DAPK1: variants seen among roughly 807,000 people sequenced by gnomAD.
The protein encoded by DAPK1 is death-associated protein kinase 1.
Under a neutral mutation model 144.9 loss-of-function variants are expected in DAPK1, and 56 were observed. That is an observed-to-expected ratio of 0.39 (90% CI 0.31 to 0.48). The LOEUF (loss-of-function observed/expected upper bound fraction) is 0.48. Among genes scored for constraint, DAPK1 ranks in the 20% least tolerant of loss-of-function variants. DAPK1 has a pLI of 0.95. For missense variants in DAPK1, 1,454 were observed against 1,875.4 expected (o/e 0.78, Z 4.15); for synonymous variants, 690 against 749.0 (o/e 0.92, Z 1.29).
intron 2 of DAPK1, among the ~76,000 whole-genome samples, chr9:87,520,553 C>T (rs1391542815): frequency 6.6e-6 from 1 of 152,160 alleles, no homozygotes; most frequent in Non-Finnish European, 1.5e-5. Context: ...TTGTTTGAAG[C>T]AGGTGTTTAA....
At chr9:87,518,933 G>A (rs1288828184) in intron 2 of DAPK1, among the ~76,000 whole-genome samples, 4 of 139,502 alleles carry the variant, frequency 2.9e-5, no homozygotes, top group Non-Finnish European at 6.4e-5. Flanking sequence ...AAAAAAAAAA[G>A]ATTTACGTGT....
chr9:87,678,566 A>C (rs1824491855), intron 19 of DAPK1, among the ~76,000 whole-genome samples: 1 of 152,268 alleles, frequency 6.6e-6, no homozygotes, highest in African/African-American at 2.4e-5. Context: ...GTTATTTGCC[A>C]ATCTATAAAA....
Position 87,526,859 on chromosome 9 carries a change from T to C in DAPK1, c.62+27720T>C, listed in dbSNP as rs972921631. Among the ~76,000 whole-genome samples, 10 of 152,320 alleles carry C rather than the reference T, an allele frequency of 6.6e-5. 1 individual carries two copies. The highest frequency in any genetic ancestry group is 5.9e-4 in the Admixed American group (9 of 15,302). On this transcript the variant is annotated intron_variant, in intron 2 of 25. Coordinates refer to ENST00000408954, the MANE Select transcript of DAPK1 (RefSeq NM_004938.4). Reference sequence around the variant, plus strand: ...ATACCTTCTTTGATGTTGATGCCAATTAGACATGTTATAAGGACTTCTCTG... The same window carrying C: ...ATACCTTCTTTGATGTTGATGCCAACTAGACATGTTATAAGGACTTCTCTG...
At position 87,708,161 on chromosome 9, in the gene DAPK1, TGTGA is replaced by T; in HGVS notation, c.*798_*801del. 2 of 252,698 alleles carry T rather than the reference TGTGA, an allele frequency of 7.9e-6. No homozygotes were observed. Among genetic ancestry groups the T allele is most frequent in the South Asian group, 4.8e-5 (1 of 21,044 alleles). 15.7% of individuals were successfully genotyped at this position (252,698 alleles called of 1,614,324 possible). A position where few individuals can be genotyped will look rare whatever the true frequency, so the allele number is the denominator to read the frequency against. ...CCGTTTGCTTTTGTTCCAATGTCAA[TGTGA>T]ACGTCCACATGAAACCTACACACTG... On this transcript the variant is annotated 3_prime_UTR_variant, in exon 26 of 26. Coordinates refer to ENST00000408954, the MANE Select transcript of DAPK1 (RefSeq NM_004938.4).
At chr9:87,631,467 G>C (rs11141918) in intron 3 of DAPK1, among the ~76,000 whole-genome samples, 1 of 151,914 alleles carries the variant, frequency 6.6e-6, no homozygotes, top group South Asian at 2.1e-4. Flanking sequence ...AAGAACCATG[G>C]TATTTTCCAG....
intron 3 of DAPK1, among the ~76,000 whole-genome samples, chr9:87,618,779 A>G (rs78857812): frequency 0.014 from 2,157 of 152,258 alleles, 64 homozygotes; most frequent in African/African-American, 0.049. Flanking sequence ...TAGGGTGGCT[A>G]CTCATGGACA....
At chr9:87,679,930 G>A (rs1365393889) in intron 19 of DAPK1, among the ~76,000 whole-genome samples, 1 of 152,046 alleles carries the variant, frequency 6.6e-6, no homozygotes, top group African/African-American at 2.4e-5. Flanking sequence ...TGCTCTTGCT[G>A]GTCAGACAGG....
chr9:87,501,113 T>C (rs1259019045), intron 2 of DAPK1, among the ~76,000 whole-genome samples: 2 of 152,048 alleles, frequency 1.3e-5, no homozygotes, highest in Non-Finnish European at 2.9e-5. Flanking sequence ...TGAGGGAAGA[T>C]TGGGAGTGGA....
intron 15 of DAPK1, 54 bp downstream of exon 15, chr9:87,648,933 C>T (rs1413274614): frequency 6.9e-7 from 1 of 1,453,008 alleles, no homozygotes; most frequent in African/African-American, 1.4e-5. Context: ...AATGTACAGG[C>T]AGCCAGATGG....
At chr9:87,512,667 G>A (rs1239845143) in intron 2 of DAPK1, among the ~76,000 whole-genome samples, 2 of 151,222 alleles carry the variant, frequency 1.3e-5, no homozygotes, top group Non-Finnish European at 2.9e-5. Flanking sequence ...TTTTTGAGAC[G>A]GAGTCTTGCC....
intron 19 of DAPK1, among the ~76,000 whole-genome samples, chr9:87,675,307 CCT>C (rs1182111320): frequency 6.6e-6 from 1 of 151,810 alleles, no homozygotes; most frequent in African/African-American, 2.4e-5. Context: ...CTGATGAGGA[CCT>C]CTCTGATGTG....
intron 2 of DAPK1, among the ~76,000 whole-genome samples, chr9:87,568,498 G>T (rs1353501177): frequency 1.3e-5 from 2 of 152,090 alleles, no homozygotes; most frequent in East Asian, 1.9e-4. Flanking sequence ...TGCATTCTGT[G>T]GGGGAGATGT....
At position 87,508,044 on chromosome 9, in the gene DAPK1, G is replaced by A. The variant is rs564320966; in HGVS notation, c.62+8905G>A. 5.3e-5 allele frequency among the ~76,000 whole-genome samples: 8 copies of A among 152,144 alleles called. No individual in the cohort carries two copies. The South Asian group carries it at 1.2e-3, about 24-fold the overall frequency. ...TCCCTTTTTTTGGAGACGGAGTGTC[G>A]CTCTGTCACCCAGACTAGAGTGCAG... On this transcript the variant is annotated intron_variant, in intron 2 of 25. Coordinates refer to ENST00000408954, the MANE Select transcript of DAPK1 (RefSeq NM_004938.4).
chr9:87,627,380 A>G (rs1426802109), intron 3 of DAPK1, among the ~76,000 whole-genome samples: 3 of 152,200 alleles, frequency 2.0e-5, no homozygotes, highest in African/African-American at 7.2e-5. Context: ...TGACAGGAGG[A>G]AAATAGAGTC....
chr9:87,639,273 T>TTTTTG, intron 4 of DAPK1, 81 bp from the exon 5 acceptor site: 1 of 1,294,382 alleles, frequency 7.7e-7, no homozygotes, highest in Non-Finnish European at 1.0e-6. Context: ...TTTTTTTTTT[T>TTTTTG]TGGAGAGAAG....
At chr9:87,575,332 T>C (rs978104111) in intron 2 of DAPK1, among the ~76,000 whole-genome samples, 1 of 152,022 alleles carries the variant, frequency 6.6e-6, no homozygotes, top group African/African-American at 2.4e-5. Flanking sequence ...CTCAGCTTGC[T>C]GGGGATGTGC....
chr9:87,590,147 A>G (rs1044412982), intron 2 of DAPK1, among the ~76,000 whole-genome samples: 1 of 152,132 alleles, frequency 6.6e-6, no homozygotes, highest in African/African-American at 2.4e-5. Flanking sequence ...TTCCCTTTGA[A>G]CATCAATATG....
chr9:87,665,094 C>G (rs1254481444), intron 18 of DAPK1, among the ~76,000 whole-genome samples: 2 of 152,106 alleles, frequency 1.3e-5, no homozygotes, highest in African/African-American at 2.4e-5. Context: ...ATTTTAAATC[C>G]TATCCCTCCC....
intron 18 of DAPK1, among the ~76,000 whole-genome samples, chr9:87,663,206 C>T (rs1830926408): frequency 6.6e-6 from 1 of 152,124 alleles, no homozygotes; most frequent in South Asian, 2.1e-4. Flanking sequence ...CCACGTAACC[C>T]TCAGCAGAGT....
Sources: gnomAD v4.1 joint callset for allele counts (sites outside exome capture counted in the v4.1 genomes callset) on GRCh38, gnomAD v4.1.1 for gene constraint, MANE v1.5 for transcripts, NCBI Gene and HGNC (gene_info 2026-07-23, HGNC 2026-07-21) for gene names.